Variants in LARS1 observed in about 807,000 individuals in gnomAD.
The protein encoded by LARS1 is leucyl-tRNA synthetase 1.
In LARS1, 100 loss-of-function variants were observed where a neutral mutation model predicts 162.8. The ratio of observed to expected loss-of-function variants is 0.61; its 90% CI spans 0.52 to 0.73. The LOEUF is 0.73. LARS1 is among the 30% of genes least tolerant of loss of function. LARS1 has a pLI of 0.00. For missense variants in LARS1, 1,258 were observed against 1,408.9 expected, an observed-to-expected ratio of 0.89 and a Z score of 1.71; for synonymous variants, 457 against 462.8, an observed-to-expected ratio of 0.99 and a Z score of 0.16.
chr5:146,176,246 A>G (rs1289272534), intron 2 of LARS1, among the ~76,000 whole-genome samples: 3 of 151,744 alleles, frequency 2.0e-5, no homozygotes, highest in African/African-American at 7.3e-5. Context: ...GAGGTCAGGA[A>G]ATCGAGACCA....
intron 8 of LARS1, among the ~76,000 whole-genome samples, chr5:146,158,697 A>G (rs949008249): frequency 1.3e-5 from 2 of 152,204 alleles, no homozygotes; most frequent in Admixed American, 6.5e-5. Context: ...TCTTGGTCAC[A>G]TATCTTATTA....
intron 25 of LARS1, among the ~76,000 whole-genome samples, chr5:146,129,554 A>T (rs1752188038): frequency 6.6e-6 from 1 of 152,234 alleles, no homozygotes; most frequent in South Asian, 2.1e-4. Flanking sequence ...GAGCCTAGCT[A>T]ATATGGCTGG....
chr5:146,147,395 G>A (rs917137142), intron 15 of LARS1, among the ~76,000 whole-genome samples: 1 of 146,664 alleles, frequency 6.8e-6, no homozygotes, highest in Admixed American at 6.8e-5. Flanking sequence ...CAAGACCCCT[G>A]TCTCTTTAAA....
At position 146,143,443 on chromosome 5, in the gene LARS1, G is replaced by C; in HGVS notation, c.1846C>G (p.His616Asp). The C allele has an allele frequency of 6.2e-7, 1 of 1,613,614 alleles. No individual in the cohort carries two copies. Among genetic ancestry groups the C allele is most frequent in the Non-Finnish European group, 8.5e-7 (1 of 1,179,652 alleles). Residue 616 changes from histidine to aspartate, a missense_variant, in exon 19 of 32, where the codon CAT (histidine) becomes GAT (aspartate). By Grantham distance (81) the His-to-Asp change is moderately conservative (BLOSUM62 -1). Transcript: ENST00000394434. Reference sequence around the variant, plus strand: ...CCCAGCGGAGACTCTGCCTGTCCATGCAAGTTACCCCCCTGCAATAGGTGT... The same window carrying C: ...CCCAGCGGAGACTCTGCCTGTCCATCCAAGTTACCCCCCTGCAATAGGTGT... ...VAHLLQGGNL[H>D]GQAESPLGIR...
intron 1 of LARS1, 58 bp from the exon 2 acceptor site, chr5:146,177,723 G>T: frequency 2.3e-6 from 2 of 872,790 alleles, no homozygotes; most frequent in South Asian, 1.5e-5. Context: ...CTTTAAAAAA[G>T]AATTGGGTTC....
chr5:146,173,309 T>C (rs984070499), intron 2 of LARS1, among the ~76,000 whole-genome samples: 11 of 151,494 alleles, frequency 7.3e-5, no homozygotes, highest in African/African-American at 2.7e-4. Context: ...GCTGAGATCA[T>C]GCCACTGCAC....
At chr5:146,181,581 G>T (rs1406047930) in intron 1 of LARS1, among the ~76,000 whole-genome samples, 1 of 151,930 alleles carries the variant, frequency 6.6e-6, no homozygotes, top group Admixed American at 6.6e-5. Flanking sequence ...TGAGCCCTAA[G>T]GTCCAGGCTG....
At chr5:146,175,243 TAA>T (rs879737011) in intron 2 of LARS1, among the ~76,000 whole-genome samples, 10 of 126,248 alleles carry the variant, frequency 7.9e-5, no homozygotes, top group Admixed American at 1.6e-4. Flanking sequence ...GTCTCCAAAT[TAA>T]AAAAAAAAAA....
At position 146,144,247 on chromosome 5, in the gene LARS1, A is replaced by G; in HGVS notation, c.1738+20T>C. The G allele has an allele frequency of 6.3e-7, 1 of 1,580,290 alleles. No homozygotes were observed. The highest frequency in any genetic ancestry group is 8.6e-7 in the Non-Finnish European group (1 of 1,162,942). On this transcript the variant is annotated intron_variant, in intron 18 of 31. Transcript: ENST00000394434. ...TAACTGGCAAAGTTATCCAAACAGAAAAATTTCAAGTTTGTTTACCTAGAC... is the reference window on the plus strand; with the variant it reads ...TAACTGGCAAAGTTATCCAAACAGAGAAATTTCAAGTTTGTTTACCTAGAC...
At chr5:146,144,143 G>T in intron 18 of LARS1, 124 bp downstream of exon 18, 1 of 691,616 alleles carries the variant, frequency 1.4e-6, no homozygotes, top group Non-Finnish European at 2.5e-6. Flanking sequence ...TGACCATCCA[G>T]AGGAAACTTA....
intron 14 of LARS1, 79 bp from the exon 15 acceptor site, chr5:146,149,778 A>C: frequency 9.8e-7 from 1 of 1,020,370 alleles, no homozygotes; most frequent in South Asian, 1.4e-5. Flanking sequence ...ATTTTCCCTA[A>C]CTAAATTTGC....
chr5:146,165,350 CAAT>C (rs532098545), intron 5 of LARS1, among the ~76,000 whole-genome samples: 67 of 151,344 alleles, frequency 4.4e-4, no homozygotes, highest in Non-Finnish European at 8.7e-4. Flanking sequence ...ACAACAACAA[CAAT>C]AATAAAAATA....
At chr5:146,149,865 A>G (rs1474709914) in intron 14 of LARS1, among the ~76,000 whole-genome samples, 166 bp from the exon 15 acceptor site, 1 of 152,168 alleles carries the variant, frequency 6.6e-6, no homozygotes, top group Non-Finnish European at 1.5e-5. Flanking sequence ...TATAGCATGG[A>G]TAACTAATAT....
chr5:146,150,958 C>CACACAA lies in LARS1; in HGVS notation c.1425+903_1425+904insTTGTGT, dbSNP rs1336553122. Among the ~76,000 whole-genome samples the CACACAA allele has an allele frequency of 2.4e-3, 359 of 151,176 alleles. 2 individuals are homozygous for CACACAA. Among genetic ancestry groups the CACACAA allele is most frequent in the African/African-American group, 8.2e-3 (339 of 41,210 alleles). ...CGTCAGATAGACACACACACACACA[C>CACACAA]ACACACACACACACACACACACACA... is the stretch of plus-strand genomic sequence containing the variant. On this transcript the variant is annotated intron_variant, in intron 14 of 31. Coordinates refer to ENST00000394434, the MANE Select transcript of LARS1 (RefSeq NM_020117.11).
chr5:146,144,746 G>A, intron 15 of LARS1, 37 bp from the exon 16 acceptor site: 4 of 1,529,142 alleles, frequency 2.6e-6, no homozygotes, highest in Non-Finnish European at 3.6e-6. Context: ...TAGATACTAT[G>A]TCAAATCAAT....
intron 23 of LARS1, 94 bp downstream of exon 23, chr5:146,132,804 T>TAA (rs11321164): frequency 3.2e-5 from 24 of 752,430 alleles, no homozygotes; most frequent in Non-Finnish European, 3.7e-5. Flanking sequence ...TTTATTTTAT[T>TAA]AAAAAAAAAA....
chr5:146,144,515 T>C lies in LARS1; in HGVS notation c.1612A>G (p.Asn538Asp), dbSNP rs1194680454. 6.2e-7 allele frequency: 1 copy of C among 1,613,944 alleles called. No homozygotes were observed. Among genetic ancestry groups the C allele is most frequent in the Admixed American group, 1.7e-5 (1 of 59,994 alleles). The change falls in exon 17 of 32, where the codon AAT (asparagine) becomes GAT (aspartate). Residue 538 changes from asparagine to aspartate, a missense_variant. Asn to Asp is a conservative substitution (Grantham distance 23, BLOSUM62 1). Coordinates refer to ENST00000394434, the MANE Select transcript of LARS1 (RefSeq NM_020117.11). The stretch of plus-strand genomic sequence containing the variant: ...CACTGAGATGTCTGTTTCTTCCAAT[T>C]CTCTTCTCCATAATCCAAGTACCTG... ...DQWYLDYGEENWKKQTSQCLK... is the reference protein window; with the variant it reads ...DQWYLDYGEEDWKKQTSQCLK...
chr5:146,135,774 T>C lies in LARS1; in HGVS notation c.2149-110A>G, dbSNP rs1426407919. On this transcript the variant is annotated intron_variant, in intron 21 of 31. Coordinates refer to ENST00000394434, the MANE Select transcript of LARS1 (RefSeq NM_020117.11). ...ATGACCAGATAAAAACAAAAAAGAA[T>C]TCAAAATACGGAAAGGAAAAGATAT... is the stretch of plus-strand genomic sequence containing the variant. The C allele has an allele frequency of 5.8e-6, 4 of 695,010 alleles. No individual in the cohort carries two copies. In the South Asian group the frequency reaches 6.2e-5, roughly 11 times the overall value. The allele number at this position is 695,010 out of a possible 1,614,324, so 43.1% of individuals were successfully genotyped here. A position where few individuals can be genotyped will look rare whatever the true frequency, so the allele number is the denominator to read the frequency against.
chr5:146,179,768 GT>G, intron 1 of LARS1: 1 of 305,532 alleles, frequency 3.3e-6, no homozygotes, highest in Non-Finnish European at 6.8e-6. Context: ...TACCCAGATA[GT>G]TTTTGTATTT....
Sources: allele counts gnomAD v4.1 joint callset (sites outside exome capture counted in the v4.1 genomes callset), GRCh38; gene constraint gnomAD v4.1.1; transcripts MANE v1.5; gene names NCBI Gene and HGNC (gene_info 2026-07-23, HGNC 2026-07-21).